Variants in COLEC12 observed in about 807,000 individuals in gnomAD.
COLEC12 encodes collectin-12.
In COLEC12, 33 loss-of-function variants were observed where a neutral mutation model predicts 71.1. The ratio of observed to expected loss-of-function variants is 0.46; its 90% CI spans 0.35 to 0.62. COLEC12 has a LOEUF of 0.62. COLEC12 is among the 20% of genes least tolerant of loss of function. The pLI is 0.00. For missense variants in COLEC12, 765 were observed against 916.1 expected, an observed-to-expected ratio of 0.84 and a Z score of 2.13; for synonymous variants, 350 against 353.0, an observed-to-expected ratio of 0.99 and a Z score of 0.10.
At chr18:425,315 CT>C (rs1916179467) in intron 2 of COLEC12, among the ~76,000 whole-genome samples, 1 of 152,194 alleles carries the variant, frequency 6.6e-6, no homozygotes, top group Non-Finnish European at 1.5e-5. Flanking sequence ...GCCCCCGACC[CT>C]TGCTCTTTTC....
chr18:359,592 A>G (rs1484093064), intron 2 of COLEC12, among the ~76,000 whole-genome samples: 2 of 152,260 alleles, frequency 1.3e-5, no homozygotes, highest in East Asian at 1.9e-4. Flanking sequence ...ACCAGCATCA[A>G]TGCTGCAAGT....
At chr18:358,676 C>T (rs1445666988) in intron 2 of COLEC12, among the ~76,000 whole-genome samples, 2 of 152,200 alleles carry the variant, frequency 1.3e-5, no homozygotes, top group Non-Finnish European at 2.9e-5. Context: ...GCTATGCAGT[C>T]CAGTTCCTAA....
intron 2 of COLEC12, among the ~76,000 whole-genome samples, chr18:387,998 G>GC (rs1276440359): frequency 6.6e-6 from 1 of 152,118 alleles, no homozygotes; most frequent in East Asian, 1.9e-4. Flanking sequence ...GTCCGTTTTG[G>GC]CCTATAGTTT....
intron 2 of COLEC12, among the ~76,000 whole-genome samples, chr18:469,279 C>A (rs369922002): frequency 5.3e-5 from 8 of 152,254 alleles, no homozygotes; most frequent in African/African-American, 9.6e-5. Flanking sequence ...ACATCTGGCA[C>A]GTAGTGCCCT....
intron 2 of COLEC12, among the ~76,000 whole-genome samples, chr18:363,169 A>G (rs1049203871): frequency 6.6e-6 from 1 of 152,164 alleles, no homozygotes; most frequent in East Asian, 1.9e-4. Context: ...GGTTCTCCAT[A>G]AAGAGCCCTC....
intron 2 of COLEC12, among the ~76,000 whole-genome samples, chr18:398,469 T>C (rs1915614836): frequency 6.6e-6 from 1 of 152,168 alleles, no homozygotes; most frequent in Non-Finnish European, 1.5e-5. Context: ...AGGCAAGGAT[T>C]TTCTGGAGCT....
chr18:379,061 T>C (rs1306450256), intron 2 of COLEC12, among the ~76,000 whole-genome samples: 1 of 152,060 alleles, frequency 6.6e-6, no homozygotes, highest in Non-Finnish European at 1.5e-5. Context: ...TCTGGTCGAC[T>C]AAGGCTGGAG....
intron 8 of COLEC12, among the ~76,000 whole-genome samples, chr18:331,052 G>GT (rs35368869): frequency 0.074 from 11,258 of 151,154 alleles, 622 homozygotes; most frequent in East Asian, 0.29. Context: ...GCTAATTTTT[G>GT]TTTTTTTTGT....
chr18:396,386 C>G (rs1180531491), intron 2 of COLEC12, among the ~76,000 whole-genome samples: 2 of 152,242 alleles, frequency 1.3e-5, no homozygotes, highest in Non-Finnish European at 2.9e-5. Context: ...ACCATCCAAT[C>G]TGACTCCAAG....
chr18:369,440 T>G lies in COLEC12; in HGVS notation c.59-11918A>C, dbSNP rs1165016517. On this transcript the variant is annotated intron_variant, in intron 2 of 9. Transcript: ENST00000400256. ...TTTTATTTTTATTTTTATTTTTTTTTGGAATAATGTTTTTTTTTTTTATTA... is the reference window on the plus strand; with the variant it reads ...TTTTATTTTTATTTTTATTTTTTTTGGGAATAATGTTTTTTTTTTTTATTA... Among the ~76,000 whole-genome samples the G allele has an allele frequency of 2.4e-5, 3 of 122,948 alleles. No homozygotes were observed. In the Admixed American group the frequency reaches 2.5e-4, roughly 10 times the overall value. 80.7% of individuals were successfully genotyped at this position (122,948 alleles called of 152,430 possible). A position where few individuals can be genotyped will look rare whatever the true frequency, so the allele number is the denominator to read the frequency against.
At chr18:463,954 A>C (rs1474648373) in intron 2 of COLEC12, among the ~76,000 whole-genome samples, 1 of 151,998 alleles carries the variant, frequency 6.6e-6, no homozygotes, top group Non-Finnish European at 1.5e-5. Context: ...CCTGCACCCT[A>C]TGCCCTACAG....
chr18:441,949 G>A (rs1244374217), intron 2 of COLEC12, among the ~76,000 whole-genome samples: 2 of 144,110 alleles, frequency 1.4e-5, no homozygotes, highest in Non-Finnish European at 2.9e-5. Context: ...GCAGTGAGCC[G>A]TGATCATGCT....
At chr18:407,459 C>T (rs1352560682) in intron 2 of COLEC12, among the ~76,000 whole-genome samples, 1 of 152,064 alleles carries the variant, frequency 6.6e-6, no homozygotes, top group African/African-American at 2.4e-5. Context: ...GCTCAAAACC[C>T]AAGAAGAGCC....
At chr18:478,177 T>C (rs1917340944) in intron 2 of COLEC12, among the ~76,000 whole-genome samples, 1 of 152,160 alleles carries the variant, frequency 6.6e-6, no homozygotes, top group South Asian at 2.1e-4. Context: ...TTCACTTCAC[T>C]GCTGAGCCCT....
chr18:404,948 C>A (rs1172119892), intron 2 of COLEC12, among the ~76,000 whole-genome samples: 1 of 152,114 alleles, frequency 6.6e-6, no homozygotes, highest in Non-Finnish European at 1.5e-5. Flanking sequence ...CTTTTCCTAG[C>A]AAGGAATATT....
intron 2 of COLEC12, among the ~76,000 whole-genome samples, chr18:430,649 C>T (rs889344110): frequency 2.6e-5 from 4 of 151,978 alleles, no homozygotes; most frequent in African/African-American, 7.3e-5. Context: ...TTTTTTAAAC[C>T]GAAAAGTCAA....
At chr18:388,851 C>T (rs1915400815) in intron 2 of COLEC12, among the ~76,000 whole-genome samples, 1 of 152,164 alleles carries the variant, frequency 6.6e-6, no homozygotes, top group Non-Finnish European at 1.5e-5. Flanking sequence ...GGTCTTCCTG[C>T]CTCCAACTCT....
At chr18:422,630 T>C (rs1022454026) in intron 2 of COLEC12, among the ~76,000 whole-genome samples, 1 of 151,782 alleles carries the variant, frequency 6.6e-6, no homozygotes, top group African/African-American at 2.4e-5. Context: ...TTTATATTTT[T>C]ATAGATTATT....
intron 2 of COLEC12, among the ~76,000 whole-genome samples, chr18:453,540 C>G (rs1916804673): frequency 6.6e-6 from 1 of 152,138 alleles, no homozygotes; most frequent in Non-Finnish European, 1.5e-5. Context: ...TTTGTCAGCG[C>G]TAAATGCTAA....
Sources: gnomAD v4.1 joint callset for allele counts (sites outside exome capture counted in the v4.1 genomes callset) on GRCh38, gnomAD v4.1.1 for gene constraint, MANE v1.5 for transcripts, NCBI Gene and HGNC (gene_info 2026-07-23, HGNC 2026-07-21) for gene names.